KANK4: variants seen among roughly 807,000 people sequenced by gnomAD.
KANK4 encodes KN motif and ankyrin repeat domains 4.
KANK4 carries 50 observed loss-of-function variants against 80.8 expected under a neutral mutation model. That is an observed-to-expected ratio of 0.62 (90% CI 0.49 to 0.78). The LOEUF is 0.78. Among genes scored for constraint, KANK4 ranks in the 30% least tolerant of loss-of-function variants. The pLI is 0.00. For synonymous variants in KANK4, 465 were observed against 506.9 expected (o/e 0.92, Z 1.11); for missense variants, 1,196 against 1,240.1 (o/e 0.96, Z 0.53).
intron 4 of KANK4, among the ~76,000 whole-genome samples, chr1:62,269,094 C>T (rs1339330159): frequency 1.3e-5 from 2 of 152,258 alleles, no homozygotes; most frequent in Admixed American, 6.5e-5. Context: ...GTCTTTGCTG[C>T]AGCCTGTTTG....
rs547741845 is a variant in KANK4, at chr1:62,251,594, G to A, written c.2682+1473C>T. Among the ~76,000 whole-genome samples, 14 of 152,262 alleles carry A rather than the reference G, an allele frequency of 9.2e-5. No homozygotes were observed. The East Asian group carries it at 2.1e-3, about 23-fold the overall frequency. ...CCCCCACCCTGTGTTCTCAAGCAGA[G>A]GGCCCCAGAAGATGAATAGAGACAT... On this transcript the variant is annotated intron_variant, in intron 8 of 9. Coordinates refer to ENST00000371153, the MANE Select transcript of KANK4 (RefSeq NM_181712.5).
intron 1 of KANK4, chr1:62,298,325 G>A (rs920373122): frequency 1.3e-5 from 2 of 152,312 alleles, no homozygotes; most frequent in East Asian, 1.9e-4. Flanking sequence ...GAGAAGTACT[G>A]TTCTAACCTA....
Position 62,254,726 on chromosome 1 carries a change from TA to T in KANK4, c.2540-1518del, listed in dbSNP as rs1369852798. Among the ~76,000 whole-genome samples, 339 of 149,682 alleles carry T rather than the reference TA, an allele frequency of 2.3e-3. 1 individual carries two copies. Among genetic ancestry groups the T allele is most frequent in the African/African-American group, 7.6e-3 (309 of 40,558 alleles). On this transcript the variant is annotated intron_variant, in intron 7 of 9. Coordinates refer to ENST00000371153, the MANE Select transcript of KANK4 (RefSeq NM_181712.5). ...GCATCACCACGCTCAGCTGATTTTT[TA>T]TTTTTTTTTAATGTATTTTTAGTAG... is the stretch of plus-strand genomic sequence containing the variant.
At chr1:62,282,623 A>AGAGGGCTGGAAAAGAT (rs1218643018) in intron 1 of KANK4, among the ~76,000 whole-genome samples, 3 of 152,322 alleles carry the variant, frequency 2.0e-5, no homozygotes, top group East Asian at 3.9e-4. Context: ...TAACTGGAGA[A>AGAGGGCTGGAAAAGAT]GAGGGCTGGA....
rs771517322 is a variant in KANK4 at position 62,273,432 on chromosome 1, C to T, written c.1672G>A (p.Ala558Thr). Residue 558 changes from alanine (A) to threonine (T), a missense_variant, in exon 3 of 10, where the codon GCC (alanine) becomes ACC (threonine). Physicochemically the swap from Ala to Thr is moderately conservative, Grantham distance 58. Coordinates refer to ENST00000371153, the MANE Select transcript of KANK4 (RefSeq NM_181712.5). ...PGRPPSSPTDATIGQYVKKIQ... is the reference protein window; with the variant it reads ...PGRPPSSPTDTTIGQYVKKIQ... ...TTCTTCACATACTGCCCAATAGTGG[C>T]ATCCGTTGGCGAGCTTGGTGGCCTT... 6.2e-7 allele frequency: 1 copy of T among 1,613,496 alleles called. No homozygotes were observed. The highest frequency in any genetic ancestry group is 1.7e-5 in the Admixed American group (1 of 59,934).
At chr1:62,297,594 A>G (rs1164101510) in intron 1 of KANK4, among the ~76,000 whole-genome samples, 1 of 152,224 alleles carries the variant, frequency 6.6e-6, no homozygotes, top group Non-Finnish European at 1.5e-5. Flanking sequence ...GATTTAGCAA[A>G]GGAACGAATC....
At chr1:62,249,520 A>G (rs1456596239) in intron 8 of KANK4, among the ~76,000 whole-genome samples, 1 of 147,588 alleles carries the variant, frequency 6.8e-6, no homozygotes, top group Non-Finnish European at 1.5e-5. Flanking sequence ...CTGTGACCAT[A>G]GGCATGTGCC....
intron 2 of KANK4, among the ~76,000 whole-genome samples, chr1:62,275,882 G>GAGGA (rs1258028819): frequency 3.0e-5 from 3 of 98,960 alleles, no homozygotes; most frequent in Non-Finnish European, 6.4e-5. Context: ...GGAAGGAAGG[G>GAGGA]AGGAAGGAAG....
At chr1:62,266,889 C>A in intron 5 of KANK4, 70 bp from the exon 6 acceptor site, 1 of 990,556 alleles carries the variant, frequency 1.0e-6, no homozygotes, top group East Asian at 2.6e-5. Context: ...GACTTTCACT[C>A]TCCTCCTCTT....
chr1:62,257,740 C>T (rs1002549109), intron 7 of KANK4, among the ~76,000 whole-genome samples: 4 of 152,190 alleles, frequency 2.6e-5, no homozygotes, highest in African/African-American at 9.7e-5. Context: ...ACTCTCTCAA[C>T]CCATTCTCCC....
chr1:62,271,611 G>T, intron 3 of KANK4, 22 bp from the exon 4 acceptor site: 1 of 1,542,370 alleles, frequency 6.5e-7, no homozygotes, highest in Non-Finnish European at 9.0e-7. Context: ...CAACATCACA[G>T]GTTAGAATGA....
At chr1:62,303,426 C>T (rs188426881) in intron 1 of KANK4, among the ~76,000 whole-genome samples, 49 of 152,040 alleles carry the variant, frequency 3.2e-4, no homozygotes, top group Admixed American at 8.5e-4. Context: ...GAGGACAGGG[C>T]GAGCAGCCAT....
chr1:62,249,684 G>C (rs115868546), intron 8 of KANK4, among the ~76,000 whole-genome samples: 6,161 of 149,836 alleles, frequency 0.041, 140 homozygotes, highest in Middle Eastern at 0.058. Flanking sequence ...CTGGGATTAC[G>C]GGCGCCCACC....
At chr1:62,306,630 G>T (rs1252245100) in intron 1 of KANK4, among the ~76,000 whole-genome samples, 1 of 151,982 alleles carries the variant, frequency 6.6e-6, no homozygotes, top group Non-Finnish European at 1.5e-5. Context: ...TCAGGCAGAG[G>T]TGCAGTGGCA....
intron 7 of KANK4, among the ~76,000 whole-genome samples, chr1:62,253,851 A>C (rs1210157433): frequency 6.6e-6 from 1 of 152,240 alleles, no homozygotes; most frequent in Non-Finnish European, 1.5e-5. Flanking sequence ...CATTTTACAG[A>C]TGAGGACACT....
intron 1 of KANK4, among the ~76,000 whole-genome samples, chr1:62,287,293 T>TA (rs1336062810): frequency 6.6e-6 from 1 of 152,110 alleles, no homozygotes; most frequent in African/African-American, 2.4e-5. Context: ...GCAGACTCAG[T>TA]AAAAGGATTA....
chr1:62,252,090 T>C (rs1671636737), intron 8 of KANK4, among the ~76,000 whole-genome samples: 1 of 151,940 alleles, frequency 6.6e-6, no homozygotes, highest in East Asian at 1.9e-4. Context: ...TGGTAGTGCA[T>C]GAGTTTCCTG....
At chr1:62,318,973 G>A (rs1234214147) in intron 1 of KANK4, 133 bp downstream of exon 1, 1 of 152,496 alleles carries the variant, frequency 6.6e-6, no homozygotes, top group Non-Finnish European at 1.5e-5. Flanking sequence ...CGGCGCTGGG[G>A]ACTGGGCGAG....
At chr1:62,289,222 T>G (rs1386215249) in intron 1 of KANK4, among the ~76,000 whole-genome samples, 1 of 152,180 alleles carries the variant, frequency 6.6e-6, no homozygotes, top group East Asian at 1.9e-4. Flanking sequence ...GAGTGCATTC[T>G]CTCCCTTGGA....
Sources: allele counts gnomAD v4.1 joint callset (sites outside exome capture counted in the v4.1 genomes callset), GRCh38; gene constraint gnomAD v4.1.1; transcripts MANE v1.5; gene names NCBI Gene and HGNC (gene_info 2026-07-23, HGNC 2026-07-21).